The following CDH6 variants were observed in gnomAD, a reference collection of about 807,000 sequenced individuals.
The protein encoded by CDH6 is cadherin 6.
Under a neutral mutation model 78.0 loss-of-function variants are expected in CDH6, and 31 were observed. The ratio of observed to expected loss-of-function variants is 0.40; its 90% CI spans 0.30 to 0.54. The LOEUF (loss-of-function observed/expected upper bound fraction) is 0.54, where lower values mean the gene tolerates loss of function less well. CDH6 is among the 20% of genes least tolerant of loss of function. CDH6 has a pLI of 0.56. For synonymous variants in CDH6, 376 were observed against 368.8 expected, an observed-to-expected ratio of 1.02 and a Z score of -0.23; for missense variants, 724 against 975.9, an observed-to-expected ratio of 0.74 and a Z score of 3.44.
At chr5:31,201,395 C>G (rs998197595) in intron 1 of CDH6, among the ~76,000 whole-genome samples, 2 of 151,792 alleles carry the variant, frequency 1.3e-5, no homozygotes, top group Non-Finnish European at 2.9e-5. Context: ...CCCAGGAGAC[C>G]CAAAGTTGTA....
chr5:31,316,311 A>G lies in CDH6; in HGVS notation c.1494A>G (p.Glu498=). 6.2e-7 allele frequency: 1 copy of G among 1,613,236 alleles called. No homozygotes were observed. The highest frequency in any genetic ancestry group is 2.2e-5 in the East Asian group (1 of 44,846). Residue 498 remains glutamate (E), a synonymous_variant, in exon 9 of 12, where the codon GAA becomes GAG. Transcript: ENST00000265071. ...AGTTCTATGAAACTTTTGTCTGTGAAAAAGCAAAGGCAGATCAGGTGAGTT... is the reference window on the plus strand; with the variant it reads ...AGTTCTATGAAACTTTTGTCTGTGAGAAAGCAAAGGCAGATCAGGTGAGTT... The part of the protein sequence containing the change: ...FAEFYETFVC[E]KAKADQLIQT...
chr5:31,270,900 C>T (rs371097189), intron 2 of CDH6, among the ~76,000 whole-genome samples: 4 of 152,054 alleles, frequency 2.6e-5, no homozygotes, highest in Non-Finnish European at 4.4e-5. Context: ...TCAGCTCCCC[C>T]CTGCAATCCA....
rs764648032 is a variant in CDH6, at chr5:31,317,911, C to T, written c.1869C>T (p.Ile623=). 1.2e-6 allele frequency: 2 copies of T among 1,613,162 alleles called. No homozygotes were observed. Among genetic ancestry groups the T allele is most frequent in the African/African-American group, 1.3e-5 (1 of 74,934 alleles). Residue 623 remains isoleucine (I), a synonymous_variant, in exon 11 of 12, where the codon ATC becomes ATT. Transcript: ENST00000265071. ...CTCTGGTTGCCATCCTTCTGTGCAT[C>T]GTGATCCTACTAGGTAAACTGGTTC... The part of the protein sequence containing the change: ...TGALVAILLC[I]VILLVTVVLF...
intron 6 of CDH6, among the ~76,000 whole-genome samples, chr5:31,303,442 A>G (rs1737889266): frequency 6.6e-6 from 1 of 152,200 alleles, no homozygotes; most frequent in Admixed American, 6.5e-5. Context: ...TAAATACCAT[A>G]AATTTCCTGG....
chr5:31,323,465 A>G lies in CDH6; in HGVS notation c.*157A>G. 3.6e-6 allele frequency: 3 copies of G among 842,740 alleles called. No homozygotes were observed. Among genetic ancestry groups the G allele is most frequent in the Non-Finnish European group, 5.3e-6 (3 of 561,878 alleles). 52.2% of individuals were successfully genotyped at this position (842,740 alleles called of 1,614,324 possible). On this transcript the variant is annotated 3_prime_UTR_variant, in exon 12 of 12. Coordinates refer to ENST00000265071, the MANE Select transcript of CDH6 (RefSeq NM_004932.4). ...GATCCAATGTTAGAGACTTTTTTCT[A>G]GTACACTTTTATGAGCTTCCAAGGG...
rs1738646759 is a variant in CDH6, at chr5:31,327,451, A to G, written c.*4143A>G. The G allele has an allele frequency of 1.6e-5, 3 of 191,788 alleles. No homozygotes were observed. The highest frequency in any genetic ancestry group is 3.3e-5 in the Non-Finnish European group (3 of 91,772). 11.9% of individuals were successfully genotyped at this position (191,788 alleles called of 1,614,324 possible). A position where few individuals can be genotyped will look rare whatever the true frequency, so the allele number is the denominator to read the frequency against. ...CCTCTAACAAGGATCATTATAGTGT[A>G]ATCTTAATTTTTATGTTTTATCAAG... is the stretch of plus-strand genomic sequence containing the variant. On this transcript the variant is annotated 3_prime_UTR_variant, in exon 12 of 12. Transcript: ENST00000265071.
intron 1 of CDH6, among the ~76,000 whole-genome samples, chr5:31,221,107 T>A (rs1740994061): frequency 6.6e-6 from 1 of 152,172 alleles, no homozygotes; most frequent in South Asian, 2.1e-4. Context: ...ATTTAATAAA[T>A]GTCCCAAATG....
intron 1 of CDH6, among the ~76,000 whole-genome samples, chr5:31,197,037 C>T (rs1340050582): frequency 6.6e-6 from 1 of 150,754 alleles, no homozygotes; most frequent in Non-Finnish European, 1.5e-5. Flanking sequence ...AATCTGTGAA[C>T]ATTCACAAGT....
chr5:31,233,538 C>G (rs938631298), intron 1 of CDH6, among the ~76,000 whole-genome samples: 1 of 150,676 alleles, frequency 6.6e-6, no homozygotes, highest in Non-Finnish European at 1.5e-5. Context: ...AAAACAAAAA[C>G]TTTGCTTATC....
chr5:31,305,254 C>T lies in CDH6; in HGVS notation c.1080C>T (p.Tyr360=), dbSNP rs1297238673. The T allele has an allele frequency of 6.2e-7, 1 of 1,614,072 alleles. No individual in the cohort carries two copies. The highest frequency in any genetic ancestry group is 1.7e-5 in the Admixed American group (1 of 60,020). ...CTTATGTTGAGCCACGATTTCTCTACTTGGGGCCTTTCAAAGATTCAGCCA... is the reference window on the plus strand; with the variant it reads ...CTTATGTTGAGCCACGATTTCTCTATTTGGGGCCTTTCAAAGATTCAGCCA... The part of the protein sequence containing the change: ...SNPYVEPRFL[Y]LGPFKDSATV... Residue 360 remains tyrosine (Y), a synonymous_variant, in exon 7 of 12, where the codon TAC becomes TAT. Transcript: ENST00000265071.
intron 2 of CDH6, among the ~76,000 whole-genome samples, chr5:31,271,038 G>A (rs989905107): frequency 2.6e-5 from 4 of 152,170 alleles, no homozygotes; most frequent in African/African-American, 9.7e-5. Flanking sequence ...ATCACTCAGA[G>A]CTTAACATGG....
At chr5:31,240,640 C>T (rs903266521) in intron 1 of CDH6, among the ~76,000 whole-genome samples, 1 of 152,162 alleles carries the variant, frequency 6.6e-6, no homozygotes, top group Non-Finnish European at 1.5e-5. Context: ...CAAGAAGAAA[C>T]ACAGCAATTT....
rs1039467059 is a variant in CDH6, at chr5:31,327,922, AT to A, written c.*4617del. 4 of 216,300 alleles carry A rather than the reference AT, an allele frequency of 1.8e-5. No homozygotes were observed. The highest frequency in any genetic ancestry group is 9.0e-5 in the African/African-American group (4 of 44,406). 13.4% of individuals were successfully genotyped at this position (216,300 alleles called of 1,614,324 possible). A position where few individuals can be genotyped will look rare whatever the true frequency, so the allele number is the denominator to read the frequency against. ...GAAGTTTATGGTCTCTGCATCGTCAATTTAATTTAAGCATTGCTGAGACAAT... is the reference window on the plus strand; with the variant it reads ...GAAGTTTATGGTCTCTGCATCGTCAATTAATTTAAGCATTGCTGAGACAAT... On this transcript the variant is annotated 3_prime_UTR_variant, in exon 12 of 12. Coordinates refer to ENST00000265071, the MANE Select transcript of CDH6 (RefSeq NM_004932.4).
intron 2 of CDH6, among the ~76,000 whole-genome samples, chr5:31,277,587 C>T (rs1742733108): frequency 6.6e-6 from 1 of 152,116 alleles, no homozygotes; most frequent in South Asian, 2.1e-4. Flanking sequence ...TAAGGTTGAA[C>T]TTTGACCTTA....
chr5:31,266,633 T>C (rs1443864814), intron 1 of CDH6, among the ~76,000 whole-genome samples: 1 of 115,086 alleles, frequency 8.7e-6, no homozygotes, highest in Non-Finnish European at 1.9e-5. Context: ...TTAGGTCCTC[T>C]AAGGAAAAAA....
intron 6 of CDH6, among the ~76,000 whole-genome samples, chr5:31,303,798 T>C (rs113991386): frequency 1.3e-3 from 191 of 152,286 alleles, no homozygotes; most frequent in African/African-American, 3.9e-3. Context: ...TCTTAATATC[T>C]GGAAACACAA....
intron 5 of CDH6, among the ~76,000 whole-genome samples, chr5:31,301,883 A>G (rs1737774594): frequency 6.6e-6 from 1 of 152,236 alleles, no homozygotes; most frequent in African/African-American, 2.4e-5. Context: ...TACAGACAAG[A>G]AAAGTGTTCT....
intron 2 of CDH6, among the ~76,000 whole-genome samples, chr5:31,270,484 C>T (rs1742497074): frequency 6.6e-6 from 1 of 152,202 alleles, no homozygotes; most frequent in Non-Finnish European, 1.5e-5. Flanking sequence ...ACAGCCCTCT[C>T]ATTTCCTTTT....
At chr5:31,302,957 A>AAGAG (rs1737865006) in intron 6 of CDH6, among the ~76,000 whole-genome samples, 1 of 119,604 alleles carries the variant, frequency 8.4e-6, no homozygotes, top group African/African-American at 2.8e-5. Flanking sequence ...GAAAGAAAGA[A>AAGAG]GGAAAGAAAA....
Sources: gnomAD v4.1 joint callset for allele counts (sites outside exome capture counted in the v4.1 genomes callset) on GRCh38, gnomAD v4.1.1 for gene constraint, MANE v1.5 for transcripts, NCBI Gene and HGNC (gene_info 2026-07-23, HGNC 2026-07-21) for gene names.